The following PTGR1 variants were observed in gnomAD, a reference collection of about 807,000 sequenced individuals.
The protein encoded by PTGR1 is prostaglandin reductase 1.
A neutral mutation model predicts 37.7 loss-of-function variants in PTGR1; 23 were observed. The observed-to-expected ratio is 0.61, with a 90% CI of 0.44 to 0.86. The LOEUF is 0.86. PTGR1 is among the 40% of genes least tolerant of loss of function. PTGR1 has a pLI of 0.00. For missense variants in PTGR1, 351 were observed against 394.3 expected (o/e 0.89, Z 0.93); for synonymous variants, 134 against 140.0 (o/e 0.96, Z 0.30).
intron 9 of PTGR1, among the ~76,000 whole-genome samples, chr9:111,553,411 TTAAG>T (rs1299923448): frequency 6.6e-6 from 1 of 152,214 alleles, no homozygotes. Flanking sequence ...AATGAAAATA[TTAAG>T]TATCTCATTT....
At chr9:111,551,721 T>C (rs1483490560) in intron 9 of PTGR1, among the ~76,000 whole-genome samples, 2 of 152,220 alleles carry the variant, frequency 1.3e-5, no homozygotes, top group Non-Finnish European at 2.9e-5. Flanking sequence ...GTTTAAAATT[T>C]GCATCCACAT....
chr9:111,557,928 C>A (rs982280196), downstream of PTGR1, among the ~76,000 whole-genome samples: 7 of 152,102 alleles, frequency 4.6e-5, no homozygotes, highest in African/African-American at 1.7e-4. Context: ...GCAGGCAGAT[C>A]ATGAGGTTAA....
chr9:111,559,597 C>CACACACATATACAACATACATATA, downstream of PTGR1, among the ~76,000 whole-genome samples: 1 of 151,756 alleles, frequency 6.6e-6, no homozygotes, highest in African/African-American at 2.4e-5. Context: ...CACACACACA[C>CACACACATATACAACATACATATA]TCACACACAC....
exon 10 of PTGR1, chr9:111,549,727 T>G (rs1161616324): frequency 1.9e-6 from 3 of 1,549,156 alleles, no homozygotes; most frequent in Non-Finnish European, 2.6e-6. Context: ...CCTTCTAAGG[T>G]AATGGTGAAT....
At chr9:111,583,353 AC>A (rs1829333967) in intron 6 of PTGR1, 118 bp downstream of exon 6, 2 of 795,202 alleles carry the variant, frequency 2.5e-6, no homozygotes, top group Admixed American at 4.6e-5. Flanking sequence ...TCAATCTCCA[AC>A]TTCTAAAGAA....
At chr9:111,569,902 G>C in intron 9 of PTGR1, 189 bp downstream of exon 9, 2 of 892,748 alleles carry the variant, frequency 2.2e-6, no homozygotes, top group South Asian at 3.5e-5. Flanking sequence ...GAACTTTAGA[G>C]AGGGTTGTTT....
chr9:111,569,998 A>C, intron 9 of PTGR1, 93 bp downstream of exon 9: 1 of 1,572,310 alleles, frequency 6.4e-7, no homozygotes, highest in East Asian at 2.3e-5. Flanking sequence ...GATGCGGCAG[A>C]GATGGGGAAG....
intron 1 of PTGR1, among the ~76,000 whole-genome samples, chr9:111,598,008 T>TAAAA (rs969040160): frequency 3.7e-4 from 53 of 145,134 alleles, no homozygotes; most frequent in African/African-American, 1.2e-3. Context: ...TTTTTTTTTT[T>TAAAA]AAATACTTTT....
intron 2 of PTGR1, among the ~76,000 whole-genome samples, chr9:111,595,200 G>A (rs1428038074): frequency 2.0e-5 from 3 of 152,020 alleles, no homozygotes; most frequent in African/African-American, 7.3e-5. Context: ...TCTGCTTCAG[G>A]AATGTCTTCC....
intron 9 of PTGR1, among the ~76,000 whole-genome samples, chr9:111,557,560 C>G (rs1345134578): frequency 1.3e-5 from 2 of 151,886 alleles, no homozygotes; most frequent in Non-Finnish European, 2.9e-5. Flanking sequence ...ATTCTCATGC[C>G]TCAGCCTCCC....
intron 9 of PTGR1, among the ~76,000 whole-genome samples, chr9:111,566,822 T>C (rs1828581682): frequency 6.6e-6 from 1 of 152,100 alleles, no homozygotes; most frequent in Non-Finnish European, 1.5e-5. Flanking sequence ...TAAATATAAA[T>C]GAATAAGTAA....
chr9:111,596,732 A>G (rs2132447567), intron 2 of PTGR1, among the ~76,000 whole-genome samples: 1 of 151,996 alleles, frequency 6.6e-6, no homozygotes, highest in African/African-American at 2.4e-5. Context: ...ACTGCAATCC[A>G]GCCTGGGTGA....
chr9:111,550,502 T>C (rs970511391), intron 9 of PTGR1, among the ~76,000 whole-genome samples: 5 of 152,208 alleles, frequency 3.3e-5, no homozygotes, highest in Admixed American at 2.6e-4. Flanking sequence ...CACTGAAGGC[T>C]GAAATCCACC....
intron 2 of PTGR1, among the ~76,000 whole-genome samples, chr9:111,595,526 A>C (rs564464597): frequency 6.6e-6 from 1 of 152,238 alleles, no homozygotes; most frequent in Non-Finnish European, 1.5e-5. Context: ...AATTTGAGTC[A>C]TGGCCATCAT....
intron 4 of PTGR1, among the ~76,000 whole-genome samples, chr9:111,588,196 ATTT>A (rs71302619): frequency 7.9e-6 from 1 of 126,842 alleles, no homozygotes; most frequent in Non-Finnish European, 1.6e-5. Context: ...CATCCAGCTA[ATTT>A]TTTTTTTTTT....
intron 6 of PTGR1, among the ~76,000 whole-genome samples, chr9:111,581,566 C>A (rs1383018390): frequency 6.6e-6 from 1 of 152,096 alleles, no homozygotes; most frequent in Non-Finnish European, 1.5e-5. Flanking sequence ...GTCTCATCTG[C>A]AACCCTAAAT....
chr9:111,581,822 T>C (rs555597468), intron 6 of PTGR1, among the ~76,000 whole-genome samples: 1 of 152,066 alleles, frequency 6.6e-6, no homozygotes, highest in Non-Finnish European at 1.5e-5. Flanking sequence ...CATTTTCAGA[T>C]GTCATAACCA....
At chr9:111,582,493 A>C (rs898005610) in intron 6 of PTGR1, among the ~76,000 whole-genome samples, 1 of 151,386 alleles carries the variant, frequency 6.6e-6, no homozygotes, top group Non-Finnish European at 1.5e-5. Flanking sequence ...CAAAAATTCT[A>C]TTTTAAATGT....
At chr9:111,564,362 G>A (rs1828458833) in intron 9 of PTGR1, 4 of 424,028 alleles carry the variant, frequency 9.4e-6, no homozygotes, top group Non-Finnish European at 1.3e-5. Flanking sequence ...TTTGAGTGCA[G>A]TGGCACAATC....
Sources: gnomAD v4.1 joint callset for allele counts (sites outside exome capture counted in the v4.1 genomes callset) on GRCh38, gnomAD v4.1.1 for gene constraint, MANE v1.5 for transcripts, NCBI Gene and HGNC (gene_info 2026-07-23, HGNC 2026-07-21) for gene names.